The following SLC35F3 variants were observed in gnomAD, a reference collection of about 807,000 sequenced individuals.
SLC35F3 encodes the protein putative thiamine transporter SLC35F3.
SLC35F3 carries 25 observed loss-of-function variants against 49.9 expected under a neutral mutation model. The observed-to-expected ratio is 0.50, with a 90% CI of 0.37 to 0.70. SLC35F3 has a LOEUF of 0.70. Ranked by LOEUF, SLC35F3 falls within the 30% of genes least tolerant of loss-of-function variation. The probability of loss-of-function intolerance (pLI) is 0.00; values close to 1 mark genes in which losing one functional copy is unlikely to be tolerated. For synonymous variants in SLC35F3, 275 were observed against 265.4 expected (o/e 1.04, Z -0.35); for missense variants, 525 against 639.8 (o/e 0.82, Z 1.94).
In SLC35F3 at chr1:234,116,244, T is replaced by C. The variant is rs1572057841; in HGVS notation, c.284-115173T>C. On this transcript the variant is annotated intron_variant, in intron 2 of 7. Coordinates refer to ENST00000366618, the MANE Select transcript of SLC35F3 (RefSeq NM_173508.4). ...GGAAAGCAATTCCTTCCAAAAGATT[T>C]ATGAGCTCTGTGTCAGGAACTGGGG... 3.9e-5 allele frequency among the ~76,000 whole-genome samples: 6 copies of C among 152,266 alleles called. 1 individual carries two copies. The highest frequency in any genetic ancestry group is 3.9e-4 in the Admixed American group (6 of 15,304).
At chr1:234,206,914 C>T (rs1457721107) in intron 2 of SLC35F3, among the ~76,000 whole-genome samples, 2 of 152,140 alleles carry the variant, frequency 1.3e-5, no homozygotes, top group Admixed American at 6.5e-5. Context: ...CCGCATCAAC[C>T]TCCTTCCCAA....
intron 2 of SLC35F3, among the ~76,000 whole-genome samples, chr1:233,955,170 C>T (rs1010262786): frequency 2.6e-5 from 4 of 152,128 alleles, no homozygotes; most frequent in Non-Finnish European, 5.9e-5. Context: ...AAAAATCAGC[C>T]TTACTGTTTC....
intron 3 of SLC35F3, among the ~76,000 whole-genome samples, chr1:234,284,051 G>A (rs1668370651): frequency 6.6e-6 from 1 of 152,052 alleles, no homozygotes; most frequent in African/African-American, 2.4e-5. Flanking sequence ...GACTACAGGT[G>A]CACACCACCA....
At chr1:234,089,986 T>C (rs1462449858) in intron 2 of SLC35F3, among the ~76,000 whole-genome samples, 10 of 152,194 alleles carry the variant, frequency 6.6e-5, no homozygotes, top group Non-Finnish European at 1.2e-4. Context: ...CCTTTGCAGA[T>C]CATATATATT....
At chr1:233,962,196 A>C (rs1002530016) in intron 2 of SLC35F3, among the ~76,000 whole-genome samples, 1 of 152,212 alleles carries the variant, frequency 6.6e-6, no homozygotes, top group African/African-American at 2.4e-5. Context: ...TCTATTAAAG[A>C]CCTACCATTT....
chr1:234,163,006 GGTCCCACTC>G, intron 2 of SLC35F3, among the ~76,000 whole-genome samples: 1 of 152,138 alleles, frequency 6.6e-6, no homozygotes, highest in Non-Finnish European at 1.5e-5. Context: ...TCATGACCTA[GGTCCCACTC>G]TGCCCATGTC....
chr1:234,244,873 G>T (rs10797535), intron 3 of SLC35F3, among the ~76,000 whole-genome samples: 15,183 of 152,138 alleles, frequency 0.1, 1,835 homozygotes, highest in East Asian at 0.67. Context: ...TATATTATGT[G>T]TAAATGTGTT....
At chr1:234,096,948 G>C (rs565815558) in intron 2 of SLC35F3, among the ~76,000 whole-genome samples, 2 of 149,230 alleles carry the variant, frequency 1.3e-5, no homozygotes, top group South Asian at 4.2e-4. Context: ...GGAGTGCAAT[G>C]GTGTGCTCTC....
intron 2 of SLC35F3, among the ~76,000 whole-genome samples, chr1:233,988,294 G>C (rs1663298514): frequency 6.6e-6 from 1 of 152,162 alleles, no homozygotes; most frequent in Admixed American, 6.5e-5. Context: ...GTATGAAGCT[G>C]GTTGCTACTT....
intron 2 of SLC35F3, among the ~76,000 whole-genome samples, chr1:234,174,959 G>A (rs924749635): frequency 6.6e-6 from 1 of 152,332 alleles, no homozygotes; most frequent in East Asian, 1.9e-4. Flanking sequence ...GTCCTCCTGG[G>A]GACAGGAAGG....
intron 2 of SLC35F3, among the ~76,000 whole-genome samples, chr1:234,069,099 TTATAA>T (rs1328453639): frequency 7.7e-6 from 1 of 130,530 alleles, no homozygotes; most frequent in Non-Finnish European, 1.6e-5. Context: ...ATATATTATA[TTATAA>T]TATATTGTAT....
chr1:233,912,097 G>A (rs1484593126), intron 2 of SLC35F3, among the ~76,000 whole-genome samples: 1 of 152,132 alleles, frequency 6.6e-6, no homozygotes, highest in Non-Finnish European at 1.5e-5. Context: ...CCTGAGGGGT[G>A]TCCACTTAGT....
At chr1:234,066,823 C>T (rs1367683742) in intron 2 of SLC35F3, among the ~76,000 whole-genome samples, 2 of 131,822 alleles carry the variant, frequency 1.5e-5, no homozygotes, top group Admixed American at 8.2e-5. Flanking sequence ...CTCTGTCCCT[C>T]TCTCTCCCAC....
At chr1:234,164,944 T>A (rs1018605288) in intron 2 of SLC35F3, among the ~76,000 whole-genome samples, 1 of 152,020 alleles carries the variant, frequency 6.6e-6, no homozygotes, top group Admixed American at 6.6e-5. Flanking sequence ...AACTCTACCA[T>A]AAATGACTGT....
At chr1:234,167,924 T>C (rs911492568) in intron 2 of SLC35F3, among the ~76,000 whole-genome samples, 2 of 152,194 alleles carry the variant, frequency 1.3e-5, no homozygotes, top group African/African-American at 4.8e-5. Flanking sequence ...ATAAGCGAGA[T>C]TGTGAATCTT....
At chr1:234,268,320 C>T (rs892743942) in intron 3 of SLC35F3, among the ~76,000 whole-genome samples, 12 of 142,896 alleles carry the variant, frequency 8.4e-5, no homozygotes, top group Non-Finnish European at 1.4e-4. Flanking sequence ...TCAGGCGTGG[C>T]GGCGCGCGCC....
At chr1:234,275,904 A>G (rs964370063) in intron 3 of SLC35F3, among the ~76,000 whole-genome samples, 18 of 152,242 alleles carry the variant, frequency 1.2e-4, no homozygotes, top group African/African-American at 3.6e-4. Context: ...AACTCAGTAG[A>G]GTAGGTACCT....
At chr1:234,176,103 TC>T (rs1246581829) in intron 2 of SLC35F3, among the ~76,000 whole-genome samples, 1 of 152,144 alleles carries the variant, frequency 6.6e-6, no homozygotes, top group African/African-American at 2.4e-5. Flanking sequence ...GCATGGGACA[TC>T]CCTTTTTTCT....
chr1:234,096,615 A>C (rs940873636), intron 2 of SLC35F3, among the ~76,000 whole-genome samples: 93 of 152,334 alleles, frequency 6.1e-4, no homozygotes, highest in African/African-American at 2.2e-3. Flanking sequence ...AAAAAGCCCC[A>C]GAGCCAGTGG....
Sources: allele counts gnomAD v4.1 joint callset (sites outside exome capture counted in the v4.1 genomes callset), GRCh38; gene constraint gnomAD v4.1.1; transcripts MANE v1.5; gene names NCBI Gene and HGNC (gene_info 2026-07-23, HGNC 2026-07-21).